The following FAR2 variants were observed in gnomAD, a reference collection of about 807,000 sequenced individuals.
The protein encoded by FAR2 is epididymis secretory protein Li 81.
In FAR2, 19 loss-of-function variants were observed where a neutral mutation model predicts 56.0. The observed-to-expected ratio is 0.34, with a 90% confidence interval of 0.24 to 0.50. The LOEUF is 0.50. FAR2 is among the 20% of genes least tolerant of loss of function. FAR2 has a pLI of 0.98. For synonymous variants in FAR2, 219 were observed against 218.8 expected (o/e 1.00, Z -0.01); for missense variants, 508 against 642.2 (o/e 0.79, Z 2.26).
At chr12:29,166,783 T>C (rs1251272477) in intron 1 of FAR2, among the ~76,000 whole-genome samples, 1 of 152,216 alleles carries the variant, frequency 6.6e-6, no homozygotes, top group Non-Finnish European at 1.5e-5. Context: ...GACAGTTCAC[T>C]CTTGGACAGT....
In FAR2 at chr12:29,333,741, T is replaced by C; in HGVS notation, c.1495T>C (p.Phe499Leu). Reference protein sequence around the residue: ...ARNVWFFIVSFCYKFLSYFRA... With the variant: ...ARNVWFFIVSLCYKFLSYFRA... ...GAATGTCTGGTTCTTCATTGTAAGCTTCTGTTATAAATTCCTCTCCTACTT... is the reference window on the plus strand; with the variant it reads ...GAATGTCTGGTTCTTCATTGTAAGCCTCTGTTATAAATTCCTCTCCTACTT... The change falls in exon 12 of 12, where the codon TTC (phenylalanine) becomes CTC (leucine). Residue 499 changes from phenylalanine (F) to leucine (L), a missense_variant. Phe to Leu is a conservative substitution (Grantham distance 22). Coordinates refer to ENST00000536681, the MANE Select transcript of FAR2 (RefSeq NM_001271783.2). The C allele has an allele frequency of 6.2e-7, 1 of 1,613,896 alleles. No homozygotes were observed. The highest frequency in any genetic ancestry group is 8.5e-7 in the Non-Finnish European group (1 of 1,179,790).
intron 2 of FAR2, among the ~76,000 whole-genome samples, chr12:29,275,144 G>A (rs938000633): frequency 4.6e-5 from 7 of 151,222 alleles, no homozygotes; most frequent in African/African-American, 7.3e-5. Flanking sequence ...GGGTGCAGGC[G>A]GGCTGAGTCC....
chr12:29,258,878 A>G (rs1256558493), intron 1 of FAR2, among the ~76,000 whole-genome samples: 1 of 152,246 alleles, frequency 6.6e-6, no homozygotes, highest in Non-Finnish European at 1.5e-5. Context: ...ACAGACACTG[A>G]AAAAAACTTG....
chr12:29,159,642 G>T (rs1263356634), intron 1 of FAR2, among the ~76,000 whole-genome samples: 2 of 152,126 alleles, frequency 1.3e-5, no homozygotes, highest in African/African-American at 4.8e-5. Flanking sequence ...CCACCGCAAG[G>T]CTTGGGGGTT....
intron 9 of FAR2, among the ~76,000 whole-genome samples, chr12:29,321,088 G>C (rs1591967979): frequency 6.9e-6 from 1 of 145,478 alleles, no homozygotes; most frequent in Non-Finnish European, 1.5e-5. Flanking sequence ...TCAACAAGAA[G>C]TTTTTTTTTT....
intron 1 of FAR2, among the ~76,000 whole-genome samples, chr12:29,172,907 G>A (rs916772223): frequency 6.6e-6 from 1 of 152,196 alleles, no homozygotes; most frequent in East Asian, 1.9e-4. Flanking sequence ...TGAGGTCCCA[G>A]TGGGGCTCCA....
chr12:29,316,802 T>TC, intron 8 of FAR2, 39 bp from the exon 9 acceptor site: 1 of 1,601,628 alleles, frequency 6.2e-7, no homozygotes, highest in South Asian at 1.1e-5. Context: ...ACTTATATTC[T>TC]CCTTTTCTCC....
intron 7 of FAR2, 60 bp downstream of exon 7, chr12:29,311,206 C>A (rs1205967442): frequency 9.3e-6 from 11 of 1,177,708 alleles, no homozygotes; most frequent in Non-Finnish European, 1.4e-5. Flanking sequence ...ATATATTAGG[C>A]CCATTTTCCA....
chr12:29,327,535 G>T (rs1460672278), intron 10 of FAR2, among the ~76,000 whole-genome samples: 3 of 152,280 alleles, frequency 2.0e-5, no homozygotes, highest in South Asian at 2.1e-4. Context: ...AAAACAGCAT[G>T]GTACTGGCAC....
At chr12:29,250,028 C>A (rs1487843332) in intron 1 of FAR2, among the ~76,000 whole-genome samples, 3 of 152,190 alleles carry the variant, frequency 2.0e-5, no homozygotes, top group Admixed American at 2.0e-4. Flanking sequence ...TGCTCACTAG[C>A]ATTTGTGCAC....
At chr12:29,328,959 G>A (rs1472426745) in intron 10 of FAR2, among the ~76,000 whole-genome samples, 1 of 151,794 alleles carries the variant, frequency 6.6e-6, no homozygotes, top group Non-Finnish European at 1.5e-5. Context: ...GCCAGCTAAG[G>A]GTTTCACTTC....
intron 1 of FAR2, among the ~76,000 whole-genome samples, chr12:29,182,836 G>A (rs1190095325): frequency 6.6e-6 from 1 of 151,880 alleles, no homozygotes; most frequent in South Asian, 2.1e-4. Context: ...GGTTATCTAC[G>A]TATCTCTTCA....
chr12:29,332,513 C>G, intron 10 of FAR2, 87 bp from the exon 11 acceptor site: 1 of 1,564,554 alleles, frequency 6.4e-7, no homozygotes, highest in Non-Finnish European at 8.6e-7. Flanking sequence ...TTGAAGGTCA[C>G]TCGTCTATGT....
At chr12:29,269,150 G>A (rs1020592886) in intron 1 of FAR2, among the ~76,000 whole-genome samples, 1 of 152,142 alleles carries the variant, frequency 6.6e-6, no homozygotes, top group African/African-American at 2.4e-5. Context: ...GAGTGCTATA[G>A]GAGACTGGGG....
At chr12:29,262,989 CTT>C (rs1948448615) in intron 1 of FAR2, among the ~76,000 whole-genome samples, 7 of 152,116 alleles carry the variant, frequency 4.6e-5, no homozygotes, top group Admixed American at 4.6e-4. Flanking sequence ...AAAAATAACA[CTT>C]ATAGCTATAT....
chr12:29,184,826 G>A (rs956300215), intron 1 of FAR2, among the ~76,000 whole-genome samples: 1 of 152,094 alleles, frequency 6.6e-6, no homozygotes. Context: ...AAATTTGTGA[G>A]GCTTAGTTAA....
intron 1 of FAR2, among the ~76,000 whole-genome samples, chr12:29,186,946 A>G (rs945485913): frequency 1.0e-3 from 156 of 151,968 alleles, no homozygotes; most frequent in African/African-American, 3.5e-3. Context: ...CCGCCACCAC[A>G]ACCGGCTAAT....
chr12:29,160,840 A>G (rs1035540294), intron 1 of FAR2, among the ~76,000 whole-genome samples: 4 of 152,096 alleles, frequency 2.6e-5, no homozygotes, highest in African/African-American at 9.7e-5. Context: ...CCACTCCAGT[A>G]TGACCTCATC....
intron 11 of FAR2, 46 bp from the exon 12 acceptor site, chr12:29,333,585 TG>T (rs1272207938): frequency 2.0e-6 from 3 of 1,526,374 alleles, no homozygotes; most frequent in Non-Finnish European, 2.7e-6. Context: ...ATAATGTGGT[TG>T]GGTATCTGGT....
Sources: allele counts gnomAD v4.1 joint callset (sites outside exome capture counted in the v4.1 genomes callset), GRCh38; gene constraint gnomAD v4.1.1; transcripts MANE v1.5; gene names NCBI Gene and HGNC (gene_info 2026-07-23, HGNC 2026-07-21).